Variants in SDK2 observed in about 807,000 individuals in gnomAD.
The protein encoded by SDK2 is sidekick cell adhesion molecule 2.
Under a neutral mutation model 253.9 loss-of-function variants are expected in SDK2, and 105 were observed. That is an observed-to-expected ratio of 0.41 (90% CI 0.35 to 0.49). SDK2 has a LOEUF of 0.49. Ranked by LOEUF, SDK2 falls within the 20% of genes least tolerant of loss-of-function variation. SDK2 has a pLI of 0.06. For missense variants in SDK2, 2,608 were observed against 3,003.0 expected (o/e 0.87, Z 3.07); for synonymous variants, 1,249 against 1,234.9 (o/e 1.01, Z -0.24).
At chr17:73,549,386 C>T (rs1041818414) in intron 1 of SDK2, among the ~76,000 whole-genome samples, 4 of 152,074 alleles carry the variant, frequency 2.6e-5, no homozygotes, top group African/African-American at 9.7e-5. Context: ...TAGCTTGTAC[C>T]TGATTAATTA....
chr17:73,399,134 G>A (rs749375572), intron 22 of SDK2, 34 bp downstream of exon 22: 24 of 1,609,806 alleles, frequency 1.5e-5, no homozygotes, highest in South Asian at 4.4e-5. Flanking sequence ...GTGCCCTGGC[G>A]GGGGCTGCTG....
At chr17:73,378,510 C>A (rs1468215861) in intron 36 of SDK2, among the ~76,000 whole-genome samples, 6 of 151,930 alleles carry the variant, frequency 3.9e-5, no homozygotes, top group Non-Finnish European at 7.4e-5. Flanking sequence ...ACCTCTGCCT[C>A]CTGGGTTCAA....
chr17:73,431,480 C>A lies in SDK2; in HGVS notation c.1480+22G>T, dbSNP rs1426404079. 1 of 1,601,934 alleles carries A rather than the reference C, an allele frequency of 6.2e-7. No homozygotes were observed. The highest frequency in any genetic ancestry group is 8.5e-7 in the Non-Finnish European group (1 of 1,174,644). Reference sequence around the variant, plus strand: ...CACACGCACACACAAATGTATAAAGCCCTGTGGCTCTGCACACTCACCCCA... The same window carrying A: ...CACACGCACACACAAATGTATAAAGACCTGTGGCTCTGCACACTCACCCCA... On this transcript the variant is annotated intron_variant, in intron 11 of 44. Coordinates refer to ENST00000392650, the MANE Select transcript of SDK2 (RefSeq NM_001144952.2). The surrounding 1 kb of genome is among the most constrained non-coding windows in gnomAD (Gnocchi z 5.6).
intron 1 of SDK2, among the ~76,000 whole-genome samples, chr17:73,533,682 CA>C (rs1437180593): frequency 6.7e-5 from 9 of 134,916 alleles, no homozygotes; most frequent in South Asian, 3.0e-4. Flanking sequence ...CCCAGCCCCC[CA>C]CCCCCCCACC....
At chr17:73,600,480 G>T (rs574572918) in intron 1 of SDK2, among the ~76,000 whole-genome samples, 7 of 152,216 alleles carry the variant, frequency 4.6e-5, no homozygotes, top group Admixed American at 1.3e-4. Flanking sequence ...TTGGTCCCAG[G>T]ATCAGAGCTG....
At chr17:73,552,003 T>A (rs915131444) in intron 1 of SDK2, among the ~76,000 whole-genome samples, 5 of 152,120 alleles carry the variant, frequency 3.3e-5, no homozygotes, top group Admixed American at 3.3e-4. Flanking sequence ...CAACCAAGAC[T>A]GTGGGACAGC....
In SDK2 at chr17:73,570,302, C is replaced by T. The variant is rs2045366688; in HGVS notation, c.65-62705G>A. ...TGGTAGACCCCGTCTACACCGGGTC[C>T]AGAAACCACACAACCCATAGGTTCT... is the stretch of plus-strand genomic sequence containing the variant. On this transcript the variant is annotated intron_variant, in intron 1 of 44. Transcript: ENST00000392650. This position sits in a 1 kb window ranked among gnomAD's most constrained non-coding sequence, Gnocchi z 4.2. Among the ~76,000 whole-genome samples the T allele has an allele frequency of 6.6e-6, 1 of 152,176 alleles. No individual in the cohort carries two copies. Among genetic ancestry groups the T allele is most frequent in the Non-Finnish European group, 1.5e-5 (1 of 68,032 alleles).
At chr17:73,553,756 T>C (rs1694891446) in intron 1 of SDK2, among the ~76,000 whole-genome samples, 1 of 152,174 alleles carries the variant, frequency 6.6e-6, no homozygotes, top group South Asian at 2.1e-4. Flanking sequence ...ACCCCCTTCC[T>C]GAGGAGGTGC....
Position 73,361,939 on chromosome 17 carries a change from G to C in SDK2, c.5306-94C>G. The C allele has an allele frequency of 7.7e-7, 1 of 1,293,496 alleles. No individual in the cohort carries two copies. The highest frequency in any genetic ancestry group is 1.0e-6 in the Non-Finnish European group (1 of 953,970). 80.1% of individuals were successfully genotyped at this position (1,293,496 alleles called of 1,614,324 possible). ...GGGAAGCGGCCGTGGCCTGGGCCCC[G>C]GGACCCTGGGTAGGGGCCTCACTCC... is the stretch of plus-strand genomic sequence containing the variant. On this transcript the variant is annotated intron_variant, in intron 38 of 44. Transcript: ENST00000392650. The surrounding 1 kb of genome is among the most constrained non-coding windows in gnomAD (Gnocchi z 4.1).
chr17:73,421,989 C>A (rs2063235468), intron 15 of SDK2, among the ~76,000 whole-genome samples: 1 of 152,070 alleles, frequency 6.6e-6, no homozygotes, highest in Non-Finnish European at 1.5e-5. Flanking sequence ...ATGACAGCAG[C>A]CCATGCGGAT....
At chr17:73,640,269 G>C (rs528743604) in intron 1 of SDK2, among the ~76,000 whole-genome samples, 1 of 151,602 alleles carries the variant, frequency 6.6e-6, no homozygotes, top group Non-Finnish European at 1.5e-5. Context: ...TGTGTGTGTG[G>C]GGGGGTCGAG....
Position 73,415,899 on chromosome 17 carries a change from C to G in SDK2, c.2280G>C (p.Trp760Cys), listed in dbSNP as rs761138663. 6.2e-7 allele frequency: 1 copy of G among 1,604,258 alleles called. No individual in the cohort carries two copies. Among genetic ancestry groups the G allele is most frequent in the African/African-American group, 1.3e-5 (1 of 74,794 alleles). Residue 760 changes from tryptophan (W) to cysteine (C), a missense_variant, in exon 17 of 45, where the codon TGG (tryptophan) becomes TGC (cysteine). Around this residue, in one of 2 missense-constraint regions of SDK2, gnomAD observed 1,505 missense variants for 1,859.1 expected, o/e 0.81. Transcript: ENST00000392650. ...NNLLLEDLII[W>C]TNYEIEVAAY... ...CAGCCACCTCGATCTCGTAGTTGGT[C>G]CAAATGATGAGATCCTCCAGCAGCA...
At chr17:73,394,098 T>C (rs2062950811) in intron 26 of SDK2, 111 bp downstream of exon 26, 1 of 608,756 alleles carries the variant, frequency 1.6e-6, no homozygotes, top group African/African-American at 1.8e-5. Context: ...AGATCCCCTG[T>C]ATCCACTCTA....
chr17:73,358,260 C>T (rs2145414756), intron 39 of SDK2, 56 bp from the exon 40 acceptor site: 1 of 1,545,652 alleles, frequency 6.5e-7, no homozygotes, highest in Non-Finnish European at 8.7e-7. Flanking sequence ...GCCACCCAGC[C>T]CGTCACCCTG....
intron 2 of SDK2, among the ~76,000 whole-genome samples, chr17:73,473,593 C>T (rs2145697714): frequency 6.6e-6 from 1 of 152,336 alleles, no homozygotes; most frequent in African/African-American, 2.4e-5. Flanking sequence ...TTTATTAATA[C>T]ATGAGATCTG....
At position 73,629,740 on chromosome 17, in the gene SDK2, T is replaced by A. The variant is rs2046245536; in HGVS notation, c.64+14285A>T. Among the ~76,000 whole-genome samples, 3 of 152,120 alleles carry A rather than the reference T, an allele frequency of 2.0e-5. No homozygotes were observed. Among genetic ancestry groups the A allele is most frequent in the Admixed American group, 2.0e-4 (3 of 15,270 alleles). The stretch of plus-strand genomic sequence containing the variant: ...AGCAATTTGAGGGCAAGGACCTGCC[T>A]TAGACTGGGCTGGATCCTGGGCACC... On this transcript the variant is annotated intron_variant, in intron 1 of 44. Coordinates refer to ENST00000392650, the MANE Select transcript of SDK2 (RefSeq NM_001144952.2). This position sits in a 1 kb window ranked among gnomAD's most constrained non-coding sequence, Gnocchi z 5.0.
rs1006336763 is a variant in SDK2 at position 73,337,516 on chromosome 17, T to C, written c.*1071A>G. The C allele has an allele frequency of 6.6e-6, 1 of 152,176 alleles. No homozygotes were observed. The highest frequency in any genetic ancestry group is 6.6e-5 in the Admixed American group (1 of 15,198). The allele number at this position is 152,176 out of a possible 1,614,324, so 9.4% of individuals were successfully genotyped here. A position where few individuals can be genotyped will look rare whatever the true frequency, so the allele number is the denominator to read the frequency against. ...AGTGCATGGGAGATGTGTGTGTGTGTGTGTGTGTGGTGAGGATCTATCCAG... is the reference window on the plus strand; with the variant it reads ...AGTGCATGGGAGATGTGTGTGTGTGCGTGTGTGTGGTGAGGATCTATCCAG... On this transcript the variant is annotated 3_prime_UTR_variant, in exon 45 of 45. Transcript: ENST00000392650.
At chr17:73,627,063 A>C (rs2046211398) in intron 1 of SDK2, among the ~76,000 whole-genome samples, 1 of 152,182 alleles carries the variant, frequency 6.6e-6, no homozygotes, top group African/African-American at 2.4e-5. Flanking sequence ...AGCATCTTGT[A>C]TATTTTGAAC....
chr17:73,354,060 G>C (rs781466819), intron 40 of SDK2, among the ~76,000 whole-genome samples: 21 of 152,008 alleles, frequency 1.4e-4, no homozygotes, highest in Non-Finnish European at 2.6e-4. Context: ...AAATTGTTTT[G>C]AGATAGGGTC....
Sources: gnomAD v4.1 joint callset for allele counts (sites outside exome capture counted in the v4.1 genomes callset) on GRCh38, gnomAD v4.1.1 for gene constraint, gnomAD v4.1.1 regional missense constraint, Gnocchi (gnomAD v3.1) non-coding constraint, MANE v1.5 for transcripts, NCBI Gene and HGNC (gene_info 2026-07-23, HGNC 2026-07-21) for gene names.